Variants in RSRC1 observed in about 807,000 individuals in gnomAD.
The protein encoded by RSRC1 is arginine and serine rich coiled-coil 1.
RSRC1 carries 39 observed loss-of-function variants against 49.1 expected under a neutral mutation model. The observed-to-expected ratio is 0.79, with a 90% CI of 0.61 to 1.04. The LOEUF (loss-of-function observed/expected upper bound fraction) is 1.04. RSRC1 is among the 50% of genes least tolerant of loss of function. The probability of loss-of-function intolerance (pLI) is 0.00; values close to 1 mark genes in which losing one functional copy is unlikely to be tolerated. For missense variants in RSRC1, 388 were observed against 402.4 expected, an observed-to-expected ratio of 0.96 and a Z score of 0.31; for synonymous variants, 143 against 130.8, an observed-to-expected ratio of 1.09 and a Z score of -0.63.
chr3:158,424,949 G>C (rs113857786), intron 6 of RSRC1, among the ~76,000 whole-genome samples: 1 of 149,734 alleles, frequency 6.7e-6, no homozygotes, highest in Non-Finnish European at 1.5e-5. Context: ...TTTTTATTGC[G>C]TCTATTTGAT....
chr3:158,142,896 G>C (rs1294748085), intron 3 of RSRC1, among the ~76,000 whole-genome samples: 3 of 152,124 alleles, frequency 2.0e-5, no homozygotes, highest in Non-Finnish European at 4.4e-5. Context: ...TTAAGACAGC[G>C]ATCAAGTCTT....
chr3:158,530,702 G>C (rs1712335002), intron 7 of RSRC1, among the ~76,000 whole-genome samples: 5 of 151,544 alleles, frequency 3.3e-5, no homozygotes, highest in Admixed American at 3.3e-4. Flanking sequence ...AGAAAATGGA[G>C]ACCAACACTC....
At chr3:158,154,021 T>G (rs1717703635) in intron 3 of RSRC1, among the ~76,000 whole-genome samples, 1 of 152,200 alleles carries the variant, frequency 6.6e-6, no homozygotes, top group South Asian at 2.1e-4. Context: ...AATCCTTGAC[T>G]GGACAGCTAT....
Position 158,163,024 on chromosome 3 carries a change from A to G in RSRC1, c.320+39033A>G, listed in dbSNP as rs1432198350. On this transcript the variant is annotated intron_variant, in intron 3 of 9. Coordinates refer to ENST00000611884, the MANE Select transcript of RSRC1 (RefSeq NM_001271838.2). ...AATAATTTTTTGTTTCTTTTTTGAG[A>G]TGGAATCTCATCCTGCACCCCTAGG... Among the ~76,000 whole-genome samples, 3 of 151,598 alleles carry G rather than the reference A, an allele frequency of 2.0e-5. No individual in the cohort carries two copies. In the East Asian group the frequency reaches 5.8e-4, roughly 29 times the overall value.
At chr3:158,175,896 C>T (rs1719180726) in intron 3 of RSRC1, among the ~76,000 whole-genome samples, 1 of 152,110 alleles carries the variant, frequency 6.6e-6, no homozygotes, top group Admixed American at 6.6e-5. Flanking sequence ...CACTGATACC[C>T]TTTCTTCCAC....
chr3:158,448,911 A>G (rs1736874979), intron 6 of RSRC1, among the ~76,000 whole-genome samples: 1 of 151,924 alleles, frequency 6.6e-6, no homozygotes, highest in Admixed American at 6.6e-5. Flanking sequence ...TAAAGTTTAC[A>G]AAAGGGGATT....
chr3:158,524,017 A>C (rs1227846135), intron 7 of RSRC1, among the ~76,000 whole-genome samples: 2 of 151,904 alleles, frequency 1.3e-5, no homozygotes, highest in East Asian at 1.9e-4. Context: ...CATTGCTTTG[A>C]TTGTGCTTTG....
intron 3 of RSRC1, among the ~76,000 whole-genome samples, chr3:158,160,034 G>GT (rs1259213172): frequency 1.3e-5 from 2 of 152,124 alleles, no homozygotes; most frequent in Admixed American, 1.3e-4. Flanking sequence ...GTGTTTAAAT[G>GT]TATCTACTCA....
At chr3:158,443,769 C>T (rs935331723) in intron 6 of RSRC1, among the ~76,000 whole-genome samples, 9 of 152,138 alleles carry the variant, frequency 5.9e-5, no homozygotes, top group Non-Finnish European at 8.8e-5. Flanking sequence ...TTTTGACATG[C>T]GTTCTCACTA....
At chr3:158,393,115 C>T (rs1254723991) in intron 6 of RSRC1, among the ~76,000 whole-genome samples, 3 of 151,892 alleles carry the variant, frequency 2.0e-5, no homozygotes, top group Non-Finnish European at 4.4e-5. Flanking sequence ...TTCTTTGAAA[C>T]TAATGAAAAC....
At chr3:158,296,133 C>T (rs1046919985) in intron 4 of RSRC1, among the ~76,000 whole-genome samples, 11 of 152,118 alleles carry the variant, frequency 7.2e-5, no homozygotes, top group African/African-American at 1.9e-4. Flanking sequence ...TGATCATTTT[C>T]GTTCTTTATA....
chr3:158,159,479 A>G (rs115834877), intron 3 of RSRC1, among the ~76,000 whole-genome samples: 32 of 152,312 alleles, frequency 2.1e-4, no homozygotes, highest in African/African-American at 7.7e-4. Flanking sequence ...CTTTGTTTGC[A>G]TAACTTTGTG....
chr3:158,523,132 G>A (rs1306229832), intron 7 of RSRC1, among the ~76,000 whole-genome samples: 2 of 152,036 alleles, frequency 1.3e-5, no homozygotes, highest in African/African-American at 2.4e-5. Flanking sequence ...GTTGGTTTAA[G>A]TGATAGGCAT....
At chr3:158,497,479 C>T (rs1261682303) in intron 7 of RSRC1, among the ~76,000 whole-genome samples, 1 of 150,710 alleles carries the variant, frequency 6.6e-6, no homozygotes, top group East Asian at 2.0e-4. Flanking sequence ...TTCAGCCGCC[C>T]AGGTTGGAGT....
chr3:158,319,246 G>A (rs1164353754), intron 5 of RSRC1, among the ~76,000 whole-genome samples: 5 of 152,048 alleles, frequency 3.3e-5, no homozygotes, highest in Admixed American at 6.6e-5. Flanking sequence ...GGTGATAATC[G>A]TGAGTGAGTT....
rs1578147154 is a variant in RSRC1 at position 158,160,225 on chromosome 3, G to A, written c.320+36234G>A. Among the ~76,000 whole-genome samples the A allele has an allele frequency of 2.6e-5, 4 of 152,032 alleles. No individual in the cohort carries two copies. The South Asian group carries it at 6.2e-4, about 24-fold the overall frequency. ...TGTGTCTCTGACCTTTCCTGAAGGC[G>A]CTGTTTTTTAAAGAAATCTTCAATG... On this transcript the variant is annotated intron_variant, in intron 3 of 9. Coordinates refer to ENST00000611884, the MANE Select transcript of RSRC1 (RefSeq NM_001271838.2).
chr3:158,258,444 T>C (rs1168981066), intron 4 of RSRC1, among the ~76,000 whole-genome samples: 2 of 152,066 alleles, frequency 1.3e-5, no homozygotes, highest in Admixed American at 6.5e-5. Flanking sequence ...TTTCCTGTTA[T>C]TTGTTTCTTT....
intron 7 of RSRC1, among the ~76,000 whole-genome samples, chr3:158,473,576 T>G (rs1244495088): frequency 1.3e-5 from 2 of 151,990 alleles, no homozygotes; most frequent in Non-Finnish European, 1.5e-5. Context: ...GACGAGTTAA[T>G]GGGTGCAGCA....
At chr3:158,252,126 C>T (rs1489768360) in intron 4 of RSRC1, among the ~76,000 whole-genome samples, 3 of 150,354 alleles carry the variant, frequency 2.0e-5, no homozygotes, top group Non-Finnish European at 3.0e-5. Context: ...ATTCTTGCCT[C>T]TCTGGGATAA....
Sources: allele counts gnomAD v4.1 joint callset (sites outside exome capture counted in the v4.1 genomes callset), GRCh38; gene constraint gnomAD v4.1.1; transcripts MANE v1.5; gene names NCBI Gene and HGNC (gene_info 2026-07-23, HGNC 2026-07-21).